LTBP1: variants seen among roughly 807,000 people sequenced by gnomAD.
The protein encoded by LTBP1 is latent transforming growth factor beta binding protein 1.
A neutral mutation model predicts 207.6 loss-of-function variants in LTBP1; 129 were observed. The observed-to-expected ratio is 0.62, with a 90% CI of 0.54 to 0.72. The LOEUF is 0.72. Among genes scored for constraint, LTBP1 ranks in the 30% least tolerant of loss-of-function variants. The probability of loss-of-function intolerance (pLI) is 0.00; values close to 1 mark genes in which losing one functional copy is unlikely to be tolerated. For synonymous variants in LTBP1, 963 were observed against 833.7 expected (o/e 1.16, Z -2.67); for missense variants, 2,281 against 2,217.2 (o/e 1.03, Z -0.58).
chr2:33,153,652 A>G (rs900164925), intron 5 of LTBP1, among the ~76,000 whole-genome samples: 4 of 152,358 alleles, frequency 2.6e-5, no homozygotes, highest in African/African-American at 9.6e-5. Flanking sequence ...TTTTATAATA[A>G]ACGAAAAGGT....
intron 2 of LTBP1, among the ~76,000 whole-genome samples, chr2:33,005,398 T>C (rs1193255291): frequency 6.6e-6 from 1 of 152,112 alleles, no homozygotes; most frequent in East Asian, 1.9e-4. Context: ...CTCAGTTTTC[T>C]TCCAGGTGCA....
At chr2:33,064,483 C>G (rs139331710) in intron 3 of LTBP1, among the ~76,000 whole-genome samples, 94 of 152,272 alleles carry the variant, frequency 6.2e-4, no homozygotes, top group African/African-American at 2.2e-3. Flanking sequence ...GATTGGGTCT[C>G]CACACTCCCT....
intron 3 of LTBP1, among the ~76,000 whole-genome samples, chr2:33,047,375 G>A (rs115863900): frequency 0.039 from 5,884 of 152,128 alleles, 193 homozygotes; most frequent in Non-Finnish European, 0.066. Context: ...TTATGTACCC[G>A]GTAGTCAATT....
At chr2:33,262,676 C>T in intron 13 of LTBP1, 46 bp from the exon 14 acceptor site, 2 of 988,150 alleles carry the variant, frequency 2.0e-6, no homozygotes, top group Non-Finnish European at 1.5e-6. Flanking sequence ...TTTCCACTTT[C>T]AATTCTTTTT....
chr2:33,175,030 G>A (rs1019237121), intron 5 of LTBP1, among the ~76,000 whole-genome samples: 6 of 152,140 alleles, frequency 3.9e-5, no homozygotes, highest in African/African-American at 7.2e-5. Flanking sequence ...AGACTTAAAC[G>A]TTAGACCTAA....
At chr2:33,327,802 TTA>T (rs910045716) in intron 24 of LTBP1, among the ~76,000 whole-genome samples, 1 of 152,012 alleles carries the variant, frequency 6.6e-6, no homozygotes, top group African/African-American at 2.4e-5. Flanking sequence ...GCAGTGTGGA[TTA>T]TCTCTTTTTT....
In LTBP1 at chr2:33,021,066, G is replaced by T. The variant is rs945461154; in HGVS notation, c.723G>T (p.Ser241=). The T allele has an allele frequency of 1.2e-6, 2 of 1,614,040 alleles. No homozygotes were observed. Among genetic ancestry groups the T allele is most frequent in the East Asian group, 2.2e-5 (1 of 44,876 alleles). ...GGCAGAGTCCTGGGGCTGCTTCCTC[G>T]TGGGGCCCTCCTGAGCAAGCAGCAA... The part of the protein sequence containing the change: ...FGGQSPGAAS[S]WGPPEQAAKH... The change falls in exon 3 of 34, where the codon TCG becomes TCT. Residue 241 remains serine (S), a synonymous_variant. Coordinates refer to ENST00000404816, the MANE Select transcript of LTBP1 (RefSeq NM_206943.4).
intron 9 of LTBP1, among the ~76,000 whole-genome samples, chr2:33,232,962 T>C (rs796696270): frequency 5.3e-5 from 8 of 152,288 alleles, no homozygotes; most frequent in African/African-American, 1.9e-4. Context: ...CCTTTGTAGA[T>C]AATGTGTTTC....
At chr2:33,170,778 C>T (rs1403757992) in intron 5 of LTBP1, among the ~76,000 whole-genome samples, 1 of 152,038 alleles carries the variant, frequency 6.6e-6, no homozygotes, top group Non-Finnish European at 1.5e-5. Context: ...GGCAGACTGA[C>T]ACCTCACACG....
chr2:33,223,565 T>G (rs2091256492), intron 9 of LTBP1, among the ~76,000 whole-genome samples: 1 of 152,222 alleles, frequency 6.6e-6, no homozygotes, highest in Admixed American at 6.5e-5. Flanking sequence ...ATGAGTAGGT[T>G]AAATTAAATA....
chr2:33,250,448 G>A (rs1573424977), intron 10 of LTBP1, among the ~76,000 whole-genome samples: 2 of 152,230 alleles, frequency 1.3e-5, no homozygotes, highest in South Asian at 4.2e-4. Flanking sequence ...AGAACACTGA[G>A]GTTTAACAGA....
intron 25 of LTBP1, among the ~76,000 whole-genome samples, chr2:33,343,402 C>A (rs545787244): frequency 2.4e-4 from 32 of 131,896 alleles, no homozygotes; most frequent in African/African-American, 8.6e-4. Context: ...CAGAGAAAGA[C>A]CCTGTCTCAA....
chr2:33,188,427 C>CAAAAAA (rs577171233), intron 6 of LTBP1, 150 bp from the exon 7 acceptor site: 13,176 of 344,002 alleles, frequency 0.038, 237 homozygotes, highest in African/African-American at 0.074. Flanking sequence ...AACTCCATCT[C>CAAAAAA]AAAAAAAAAA....
At chr2:33,031,093 C>T (rs1364934982) in intron 3 of LTBP1, among the ~76,000 whole-genome samples, 6 of 152,054 alleles carry the variant, frequency 3.9e-5, no homozygotes, top group Non-Finnish European at 7.4e-5. Flanking sequence ...TATTAGTACT[C>T]TGGTTTTTTT....
chr2:32,948,855 G>A lies in LTBP1; in HGVS notation c.495-20G>A. ...GGGGGTCTTTCTGCTGCTGGACTCAGCGATCTTGCTTTGTTTCAGGGTCAA... is the reference window on the plus strand; with the variant it reads ...GGGGGTCTTTCTGCTGCTGGACTCAACGATCTTGCTTTGTTTCAGGGTCAA... On this transcript the variant is annotated intron_variant, in intron 1 of 33. Transcript: ENST00000404816. 1 of 1,613,034 alleles carries A rather than the reference G, an allele frequency of 6.2e-7. No homozygotes were observed. Among genetic ancestry groups the A allele is most frequent in the Non-Finnish European group, 8.5e-7 (1 of 1,178,962 alleles).
At chr2:32,958,780 C>T (rs561640334) in intron 2 of LTBP1, among the ~76,000 whole-genome samples, 3 of 152,294 alleles carry the variant, frequency 2.0e-5, no homozygotes, top group African/African-American at 7.2e-5. Flanking sequence ...CTTTTCCTTG[C>T]CCAGCAGACA....
chr2:33,263,474 T>A lies in LTBP1; in HGVS notation c.2617+82T>A, dbSNP rs555138319. 1.0e-4 allele frequency: 104 copies of A among 998,950 alleles called. 1 individual carries two copies. The South Asian group carries it at 1.4e-3, about 13-fold the overall frequency. 61.9% of individuals were successfully genotyped at this position (998,950 alleles called of 1,614,324 possible). The stretch of plus-strand genomic sequence containing the variant: ...CATTTTAAATGTAGTATCCATTATA[T>A]AAGCTTGCTCATGGCAGGGTTAGCC... On this transcript the variant is annotated intron_variant, in intron 15 of 33. Coordinates refer to ENST00000404816, the MANE Select transcript of LTBP1 (RefSeq NM_206943.4).
chr2:33,150,146 AG>A (rs2083391767), intron 5 of LTBP1, among the ~76,000 whole-genome samples: 2 of 152,194 alleles, frequency 1.3e-5, no homozygotes, highest in African/African-American at 4.8e-5. Context: ...AAATGGCCCT[AG>A]GGAGCAAGTA....
chr2:33,305,365 T>G (rs1425963489), intron 22 of LTBP1, among the ~76,000 whole-genome samples: 3 of 152,088 alleles, frequency 2.0e-5, no homozygotes, highest in African/African-American at 7.2e-5. Context: ...ATATAGTTCG[T>G]TAAATGGCAA....
Sources: gnomAD v4.1 joint callset for allele counts (sites outside exome capture counted in the v4.1 genomes callset) on GRCh38, gnomAD v4.1.1 for gene constraint, MANE v1.5 for transcripts, NCBI Gene and HGNC (gene_info 2026-07-23, HGNC 2026-07-21) for gene names.